The following CROCC variants were observed in gnomAD, a reference collection of about 807,000 sequenced individuals.
CROCC encodes the protein rootletin.
CROCC carries 180 observed loss-of-function variants against 245.2 expected under a neutral mutation model. The ratio of observed to expected loss-of-function variants is 0.73; its 90% confidence interval spans 0.65 to 0.83. The LOEUF is 0.83. Ranked by LOEUF, CROCC falls within the 40% of genes least tolerant of loss-of-function variation. CROCC has a pLI of 0.00. For missense variants in CROCC, 2,688 were observed against 2,779.4 expected (o/e 0.97, Z 0.74); for synonymous variants, 1,205 against 1,241.6 (o/e 0.97, Z 0.62).
Position 16,965,888 on chromosome 1 carries a change from A to G in CROCC, c.4571A>G (p.Glu1524Gly), listed in dbSNP as rs763781211. Residue 1524 changes from glutamate to glycine, a missense_variant, in exon 28 of 37, where the codon GAA (glutamate) becomes GGA (glycine). This residue lies in a region of CROCC where 1,218 missense variants were observed against 1,286.3 expected (regional missense o/e 0.95). Transcript: ENST00000375541. Reference sequence around the variant, plus strand: ...CAAGAGCTGCGGAGTGCCCAGAGAGAACGGGTAAGCCTGGGTGTGCATGGC... The same window carrying G: ...CAAGAGCTGCGGAGTGCCCAGAGAGGACGGGTAAGCCTGGGTGTGCATGGC... Reference protein sequence around the residue: ...FLQELRSAQRERDELRTQTSA... With the variant: ...FLQELRSAQRGRDELRTQTSA... 110 of 1,613,074 alleles carry G rather than the reference A, an allele frequency of 6.8e-5. No individual in the cohort carries two copies. Among genetic ancestry groups the G allele is most frequent in the Non-Finnish European group, 9.1e-5 (107 of 1,179,800 alleles).
At position 16,944,226 on chromosome 1, in the gene CROCC, A is replaced by C; in HGVS notation, c.1935A>C (p.Glu645Asp). The change falls in exon 14 of 37, where the codon GAA becomes GAC. Residue 645 changes from glutamate (E) to aspartate (D), a missense_variant. By Grantham distance (45) the Glu-to-Asp change is conservative. Coordinates refer to ENST00000375541, the MANE Select transcript of CROCC (RefSeq NM_014675.5). ...ELRRQRDRLE[E>D]EQEDAVQDGA... is the part of the protein sequence containing the mutation. Reference sequence around the variant, plus strand: ...GGCGCCAGCGGGACCGGCTGGAGGAAGAGCAGGAGGACGCAGTGCAGGATG... The same window carrying C: ...GGCGCCAGCGGGACCGGCTGGAGGACGAGCAGGAGGACGCAGTGCAGGATG... The C allele has an allele frequency of 6.4e-6, 10 of 1,554,966 alleles. No homozygotes were observed. The highest frequency in any genetic ancestry group is 7.8e-6 in the Non-Finnish European group (9 of 1,149,420).
In CROCC at chr1:16,942,945, A is replaced by C. The variant is rs563072088; in HGVS notation, c.1809-1155A>C. On this transcript the variant is annotated intron_variant, in intron 13 of 36. Transcript: ENST00000375541. ...ACATGGCGAAACCCCATCTCTACTA[A>C]AAATAAAAAAAAATTGGCCGGGCAC... is the stretch of plus-strand genomic sequence containing the variant. Among the ~76,000 whole-genome samples, 5 of 152,372 alleles carry C rather than the reference A, an allele frequency of 3.3e-5. No individual in the cohort carries two copies. In the South Asian group the frequency reaches 8.3e-4, roughly 25 times the overall value.
At position 16,947,042 on chromosome 1, in the gene CROCC, G is replaced by A. The variant is rs564810208; in HGVS notation, c.2514+51G>A. The A allele has an allele frequency of 2.2e-5, 32 of 1,471,260 alleles. No individual in the cohort carries two copies. In the East Asian group the frequency reaches 4.7e-4, roughly 22 times the overall value. The allele number at this position is 1,471,260 out of a possible 1,614,324, so 91.1% of individuals were successfully genotyped here. A position where few individuals can be genotyped will look rare whatever the true frequency, so the allele number is the denominator to read the frequency against. ...GTGTGGAGAGCATGTGGGGCAGGCC[G>A]GGCTCCCAGCCCCCTGCATCCAGTC... On this transcript the variant is annotated intron_variant, in intron 17 of 36. Transcript: ENST00000375541.
Position 16,939,998 on chromosome 1 carries a change from G to T in CROCC, c.1713G>T (p.Gln571His). ...GGCGGGCCCTAGAGGAACAGCTGCA[G>T]CGCCTGCGGGACAAGACCGACGGCG... is the stretch of plus-strand genomic sequence containing the variant. ...SERRALEEQL[Q>H]RLRDKTDGAM... The change falls in exon 13 of 37, where the codon CAG becomes CAT. Residue 571 changes from glutamine to histidine, a missense_variant. Physicochemically the swap from Gln to His is conservative, Grantham distance 24. Around this residue, in one of 9 missense-constraint regions of CROCC, gnomAD observed 972 missense variants for 895.3 expected, o/e 1.09. Transcript: ENST00000375541. The T allele has an allele frequency of 6.2e-7, 1 of 1,612,136 alleles. No individual in the cohort carries two copies. The highest frequency in any genetic ancestry group is 8.5e-7 in the Non-Finnish European group (1 of 1,179,700).
At chr1:16,961,466 C>T (rs1161589906) in intron 27 of CROCC, among the ~76,000 whole-genome samples, 3 of 152,014 alleles carry the variant, frequency 2.0e-5, no homozygotes, top group African/African-American at 7.3e-5. Flanking sequence ...GAGACGGGGT[C>T]TCACTATGTT....
intron 13 of CROCC, 88 bp downstream of exon 13, chr1:16,940,181 C>T (rs1412033523): frequency 4.4e-6 from 6 of 1,374,568 alleles, no homozygotes; most frequent in Non-Finnish European, 5.0e-6. Context: ...TATGGCTCTG[C>T]ACTAATATGG....
intron 17 of CROCC, among the ~76,000 whole-genome samples, chr1:16,948,027 C>G (rs1262000040): frequency 2.0e-5 from 3 of 152,270 alleles, no homozygotes; most frequent in Non-Finnish European, 4.4e-5. Flanking sequence ...TTAGTAGAGA[C>G]AGGGTTTCAC....
chr1:16,972,321 T>C (rs767064150), intron 36 of CROCC, 39 bp from the exon 37 acceptor site: 2 of 1,538,450 alleles, frequency 1.3e-6, no homozygotes, highest in African/African-American at 1.4e-5. Flanking sequence ...GAAGCCAGGC[T>C]GAGGACCTGG....
At position 16,930,310 on chromosome 1, in the gene CROCC, G is replaced by T; in HGVS notation, c.646G>T (p.Glu216Ter). ...GGACACAGAGCACAGCCAAGACCTGGAAAGCGCCCTCATCCGGCTGGAGGA... is the reference window on the plus strand; with the variant it reads ...GGACACAGAGCACAGCCAAGACCTGTAAAGCGCCCTCATCCGGCTGGAGGA... ...LRDTEHSQDL[E>*]SALIRLEEEQ... Residue 216 changes from glutamate to a stop codon, truncating the protein, a stop_gained, in exon 6 of 37, where the codon GAA becomes TAA. Coordinates refer to ENST00000375541, the MANE Select transcript of CROCC (RefSeq NM_014675.5). LOFTEE classifies it high-confidence loss of function. The T allele has an allele frequency of 6.2e-7, 1 of 1,607,872 alleles. No individual in the cohort carries two copies. The highest frequency in any genetic ancestry group is 8.5e-7 in the Non-Finnish European group (1 of 1,177,896).
chr1:16,945,256 G>A (rs1166029774), intron 14 of CROCC, among the ~76,000 whole-genome samples: 1 of 152,282 alleles, frequency 6.6e-6, no homozygotes, highest in African/African-American at 2.4e-5. Flanking sequence ...ATGTCACGAG[G>A]TAAGTGTTAC....
chr1:16,957,646 T>C (rs924250593), intron 25 of CROCC, among the ~76,000 whole-genome samples: 3 of 152,086 alleles, frequency 2.0e-5, no homozygotes, highest in Non-Finnish European at 4.4e-5. Flanking sequence ...GGTTTCACCA[T>C]GTGGGCCAGG....
Position 16,970,415 on chromosome 1 carries a change from G to C in CROCC, c.5614G>C (p.Glu1872Gln), listed in dbSNP as rs1228128904. The C allele has an allele frequency of 1.9e-6, 3 of 1,604,080 alleles. No individual in the cohort carries two copies. Among genetic ancestry groups the C allele is most frequent in the South Asian group, 1.1e-5 (1 of 89,624 alleles). The change falls in exon 34 of 37, where the codon GAG becomes CAG. Residue 1872 changes from glutamate to glutamine, a missense_variant. This residue lies in a region of CROCC where 1,218 missense variants were observed against 1,286.3 expected (regional missense o/e 0.95). Coordinates refer to ENST00000375541, the MANE Select transcript of CROCC (RefSeq NM_014675.5). ...GGTGGAGCGCTCAGCCCTGCGGCTG[G>C]AGAAGGACCGTGTAGCCCTCAGGAG... ...REVERSALRLEKDRVALRRTL... is the reference protein window; with the variant it reads ...REVERSALRLQKDRVALRRTL...
In CROCC at chr1:16,938,502, G is replaced by A. The variant is rs1409411096; in HGVS notation, c.1374+19G>A. 14 of 1,552,328 alleles carry A rather than the reference G, an allele frequency of 9.0e-6. No homozygotes were observed. Among genetic ancestry groups the A allele is most frequent in the African/African-American group, 5.4e-5 (4 of 73,456 alleles). On this transcript the variant is annotated intron_variant, in intron 11 of 36. Transcript: ENST00000375541. ...GGCACAGGTGTGAGCCCAGAGAGGC[G>A]GGAAGACAGCGCCCTGCCAGGCAGT...
chr1:16,965,961 C>T lies in CROCC; in HGVS notation c.4576-38C>T, dbSNP rs762964033. 3.7e-6 allele frequency: 6 copies of T among 1,605,190 alleles called. No individual in the cohort carries two copies. The East Asian group carries it at 1.3e-4, about 36-fold the overall frequency. ...CTGGGGAGGTTGCAGGGTGTCAGAGCAGGGGTCTGTCTTTGTTCCCCCATG... is the reference window on the plus strand; with the variant it reads ...CTGGGGAGGTTGCAGGGTGTCAGAGTAGGGGTCTGTCTTTGTTCCCCCATG... On this transcript the variant is annotated intron_variant, in intron 28 of 36. Coordinates refer to ENST00000375541, the MANE Select transcript of CROCC (RefSeq NM_014675.5).
At chr1:16,959,909 T>TGTGA (rs1211716293) in intron 26 of CROCC, among the ~76,000 whole-genome samples, 1 of 151,442 alleles carries the variant, frequency 6.6e-6, no homozygotes, top group Admixed American at 6.6e-5. Flanking sequence ...CCCCCAGGGC[T>TGTGA]GTGAGTACAT....
At chr1:16,916,910 G>A (rs1482998996) in intron 1 of CROCC, among the ~76,000 whole-genome samples, 2 of 152,286 alleles carry the variant, frequency 1.3e-5, no homozygotes, top group East Asian at 3.8e-4. Context: ...TTGAGGTCAG[G>A]AGTTTGAGAC....
rs760230508 is a variant in CROCC at position 16,972,457 on chromosome 1, G to A, written c.*11G>A. ...CCCCCAGAGAAATGAGCTCCTGCTGGCATCTGGAGAACACCCCTGTGCCTG... is the reference window on the plus strand; with the variant it reads ...CCCCCAGAGAAATGAGCTCCTGCTGACATCTGGAGAACACCCCTGTGCCTG... On this transcript the variant is annotated 3_prime_UTR_variant, in exon 37 of 37. Transcript: ENST00000375541. The A allele has an allele frequency of 1.9e-6, 3 of 1,608,230 alleles. No individual in the cohort carries two copies. The highest frequency in any genetic ancestry group is 3.4e-5 in the Admixed American group (2 of 59,612).
Position 16,954,746 on chromosome 1 carries a change from G to A in CROCC, c.3334G>A (p.Ala1112Thr), listed in dbSNP as rs768998479. 7.7e-6 allele frequency: 12 copies of A among 1,556,690 alleles called. No homozygotes were observed. Among genetic ancestry groups the A allele is most frequent in the South Asian group, 2.4e-5 (2 of 84,454 alleles). The change falls in exon 23 of 37, where the codon GCT (alanine) becomes ACT (threonine). Residue 1112 changes from alanine (A) to threonine (T), a missense_variant. Ala to Thr is a moderately conservative substitution (Grantham distance 58). Transcript: ENST00000375541. This position sits in a 1 kb window ranked among gnomAD's most constrained non-coding sequence, Gnocchi z 4.4. The part of the protein sequence containing the change: ...RQEQDRSTVN[A>T]LTSELRDLRA... ...CCCTCTGTCCCAGAGCACCGTGAAC[G>A]CTCTGACGTCTGAGCTGCGGGACCT...
At position 16,953,469 on chromosome 1, in the gene CROCC, T is replaced by A. The variant is rs369080130; in HGVS notation, c.3174T>A (p.Ser1058Arg). The part of the protein sequence containing the change: ...ERDEGLLLAE[S>R]EKQQALSLKE... ...ACGAGGGCCTCCTCCTAGCAGAGAG[T>A]GAGAAGCAGCAGGTTCGTGAGCCCT... Residue 1058 changes from serine to arginine, a missense_variant, in exon 21 of 37, where the codon AGT becomes AGA. By Grantham distance (110) the Ser-to-Arg change is moderately radical. This residue lies in a region of CROCC where 106 missense variants were observed against 126.1 expected (regional missense o/e 0.84). Transcript: ENST00000375541. The A allele has an allele frequency of 1.2e-6, 2 of 1,605,920 alleles. No homozygotes were observed. The highest frequency in any genetic ancestry group is 1.3e-5 in the African/African-American group (1 of 74,774).
Sources: gnomAD v4.1 joint callset for allele counts (sites outside exome capture counted in the v4.1 genomes callset) on GRCh38, gnomAD v4.1.1 for gene constraint, gnomAD v4.1.1 regional missense constraint, Gnocchi (gnomAD v3.1) non-coding constraint, MANE v1.5 for transcripts, NCBI Gene and HGNC (gene_info 2026-07-23, HGNC 2026-07-21) for gene names.